The following IL12B variants were observed in gnomAD, a reference collection of about 807,000 sequenced individuals.
The protein encoded by IL12B is interleukin-12 subunit beta.
A neutral mutation model predicts 39.2 loss-of-function variants in IL12B; 27 were observed. That is an observed-to-expected ratio of 0.69 (90% CI 0.51 to 0.95). The LOEUF (loss-of-function observed/expected upper bound fraction) is 0.95, where lower values mean the gene tolerates loss of function less well. IL12B is among the 40% of genes least tolerant of loss of function. The pLI is 0.00. For synonymous variants in IL12B, 142 were observed against 152.1 expected (o/e 0.93, Z 0.49); for missense variants, 351 against 397.6 (o/e 0.88, Z 1.00).
chr5:159,322,199 T>G (rs1754104728), intron 4 of IL12B, among the ~76,000 whole-genome samples, 195 bp downstream of exon 4: 1 of 152,130 alleles, frequency 6.6e-6, no homozygotes, highest in Non-Finnish European at 1.5e-5. Flanking sequence ...CCCCAACACA[T>G]ACATTTATTC....
Position 159,316,541 on chromosome 5 carries a change from T to C in IL12B, c.*144A>G, listed in dbSNP as rs182715955. On this transcript the variant is annotated intron_variant, in intron 7 of 7. Coordinates refer to ENST00000231228, the MANE Select transcript of IL12B (RefSeq NM_002187.3). ...AAGGCACCAAATAAATATCTGTTAG[T>C]GAATAAATGTATGTTTCTGATTCTG... 4.2e-4 allele frequency: 342 copies of C among 806,714 alleles called. 2 individuals carry two copies. Among genetic ancestry groups the C allele is most frequent in the Non-Finnish European group, 2.9e-5 (14 of 485,258 alleles). The allele number at this position is 806,714 out of a possible 1,614,324, so 50.0% of individuals were successfully genotyped here.
At chr5:159,328,122 C>G (rs3212217) in intron 1 of IL12B, among the ~76,000 whole-genome samples, 40,026 of 152,074 alleles carry the variant, frequency 0.26, 5,769 homozygotes, top group East Asian at 0.48. Flanking sequence ...CTGCTACTAA[C>G]TCTAGGCGGA....
At chr5:159,322,568 G>T (rs780368988) in intron 3 of IL12B, 57 bp from the exon 4 acceptor site, 1 of 1,101,110 alleles carries the variant, frequency 9.1e-7, no homozygotes, top group Non-Finnish European at 1.4e-6. Flanking sequence ...GAAAGGTTTT[G>T]ATTGTGATGA....
rs377511395 is a variant in IL12B at position 159,316,770 on chromosome 5, C to T, written c.902G>A (p.Arg301His). The change falls in exon 7 of 8, where the codon CGC becomes CAC. Residue 301 changes from arginine (R) to histidine (H), a missense_variant. Arg to His is a conservative substitution (Grantham distance 29, BLOSUM62 0). Coordinates refer to ENST00000231228, the MANE Select transcript of IL12B (RefSeq NM_002187.3). Reference sequence around the variant, plus strand: ...CCGCACGCTAATGCTGGCATTTTTGCGGCAGATGACCGTGGCTGAGGTCTT... The same window carrying T: ...CCGCACGCTAATGCTGGCATTTTTGTGGCAGATGACCGTGGCTGAGGTCTT... ...TDKTSATVIC[R>H]KNASISVRAQ... 1.1e-5 allele frequency: 17 copies of T among 1,613,930 alleles called. 1 individual carries two copies. The highest frequency in any genetic ancestry group is 5.5e-5 in the South Asian group (5 of 91,068).
At chr5:159,326,813 G>A (rs1754199224) in intron 1 of IL12B, 31 bp from the exon 2 acceptor site, 2 of 1,323,280 alleles carry the variant, frequency 1.5e-6, no homozygotes, top group Admixed American at 1.7e-5. Context: ...AGGGGGAAGA[G>A]AAGGAGGAAA....
chr5:159,319,431 C>T (rs948967004), intron 5 of IL12B, among the ~76,000 whole-genome samples: 1 of 152,218 alleles, frequency 6.6e-6, no homozygotes, highest in African/African-American at 2.4e-5. Context: ...ACTGAGCGCC[C>T]ATTATGTTCC....
chr5:159,320,230 C>T, intron 5 of IL12B, 76 bp downstream of exon 5: 1 of 1,250,910 alleles, frequency 8.0e-7, no homozygotes, highest in Non-Finnish European at 1.2e-6. Context: ...ACCTACCCCA[C>T]AGTGCATGGG....
intron 5 of IL12B, among the ~76,000 whole-genome samples, chr5:159,319,299 G>A (rs2421047): frequency 0.26 from 39,354 of 152,120 alleles, 5,591 homozygotes; most frequent in East Asian, 0.46. Flanking sequence ...CTGGGGATGA[G>A]ATGATAGATT....
intron 4 of IL12B, among the ~76,000 whole-genome samples, chr5:159,321,690 T>C (rs2113027888): frequency 6.6e-6 from 1 of 152,294 alleles, no homozygotes; most frequent in East Asian, 1.9e-4. Context: ...GAGAAACATT[T>C]CTTTAGTAAG....
chr5:159,323,390 T>C lies in IL12B; in HGVS notation c.89-61A>G, dbSNP rs982528555. On this transcript the variant is annotated intron_variant, in intron 2 of 7. Coordinates refer to ENST00000231228, the MANE Select transcript of IL12B (RefSeq NM_002187.3). ...GCTCCAGGAACTCTGGGACTGTGTT[T>C]TATTAACCCTTCGGGCATCCCCATT... 3 of 1,535,004 alleles carry C rather than the reference T, an allele frequency of 2.0e-6. No homozygotes were observed. In the African/African-American group the frequency reaches 4.1e-5, roughly 21 times the overall value.
intron 1 of IL12B, among the ~76,000 whole-genome samples, chr5:159,328,664 C>T (rs1361656499): frequency 6.6e-6 from 1 of 152,204 alleles, no homozygotes; most frequent in Non-Finnish European, 1.5e-5. Context: ...AACCCAGAGG[C>T]TGGCACACTG....
chr5:159,322,618 T>C (rs920216684), intron 3 of IL12B, 107 bp from the exon 4 acceptor site: 8 of 779,688 alleles, frequency 1.0e-5, no homozygotes, highest in South Asian at 7.0e-5. Flanking sequence ...AGTTCTTCCA[T>C]GCGTTGCCTC....
chr5:159,323,402 C>T (rs565799385), intron 2 of IL12B, 73 bp from the exon 3 acceptor site: 178 of 1,430,904 alleles, frequency 1.2e-4, no homozygotes, highest in African/African-American at 1.5e-4. Context: ...ATTAACCCTT[C>T]GGGCATCCCC....
intron 4 of IL12B, among the ~76,000 whole-genome samples, chr5:159,320,994 C>G (rs1754077771): frequency 7.3e-6 from 1 of 137,820 alleles, no homozygotes; most frequent in South Asian, 2.5e-4. Context: ...TTCTTTCTCT[C>G]TCTCTCTCTC....
intron 7 of IL12B, 105 bp downstream of exon 7, chr5:159,316,579 TG>T: frequency 8.2e-7 from 1 of 1,219,968 alleles, no homozygotes; most frequent in Non-Finnish European, 1.2e-6. Flanking sequence ...AACTGGGTGC[TG>T]GCCACTCCAT....
rs1217599970 is a variant in IL12B, at chr5:159,324,614, T to C, written c.89-1285A>G. Among the ~76,000 whole-genome samples the C allele has an allele frequency of 3.9e-5, 6 of 152,366 alleles. No homozygotes were observed. In the East Asian group the frequency reaches 7.7e-4, roughly 20 times the overall value. On this transcript the variant is annotated intron_variant, in intron 2 of 7. Coordinates refer to ENST00000231228, the MANE Select transcript of IL12B (RefSeq NM_002187.3). ...CCTGCATTTTGGAGTGGCAGAGGCC[T>C]GGATTTAGAAGCAGCTCTAGCCCTT... is the stretch of plus-strand genomic sequence containing the variant.
intron 3 of IL12B, 82 bp downstream of exon 3, chr5:159,322,972 G>T: frequency 7.4e-7 from 1 of 1,342,798 alleles, no homozygotes; most frequent in Non-Finnish European, 1.1e-6. Flanking sequence ...CCATGACTTG[G>T]CTTTTCAATT....
intron 1 of IL12B, among the ~76,000 whole-genome samples, chr5:159,328,238 T>G (rs1313486333): frequency 6.6e-6 from 1 of 151,600 alleles, no homozygotes; most frequent in African/African-American, 2.4e-5. Flanking sequence ...CAGCATGGAG[T>G]TTTAGGGGCA....
intron 1 of IL12B, among the ~76,000 whole-genome samples, chr5:159,330,126 A>G (rs1754253535): frequency 6.6e-6 from 1 of 152,256 alleles, no homozygotes; most frequent in Non-Finnish European, 1.5e-5. Flanking sequence ...ATTTAGGAAT[A>G]TACTTTTATA....
Sources: gnomAD v4.1 joint callset for allele counts (sites outside exome capture counted in the v4.1 genomes callset) on GRCh38, gnomAD v4.1.1 for gene constraint, MANE v1.5 for transcripts, NCBI Gene and HGNC (gene_info 2026-07-23, HGNC 2026-07-21) for gene names.